The following CALN1 variants were observed in gnomAD, a reference collection of about 807,000 sequenced individuals.
The protein encoded by CALN1 is calcium-binding protein 8.
CALN1 carries 17 observed loss-of-function variants against 30.6 expected under a neutral mutation model. That is an observed-to-expected ratio of 0.56 (90% confidence interval 0.38 to 0.83). The LOEUF (loss-of-function observed/expected upper bound fraction) is 0.83. Among genes scored for constraint, CALN1 ranks in the 40% least tolerant of loss-of-function variants. The probability of loss-of-function intolerance (pLI) is 0.00; values close to 1 mark genes in which losing one functional copy is unlikely to be tolerated. For synonymous variants in CALN1, 156 were observed against 131.4 expected (o/e 1.19, Z -1.28); for missense variants, 291 against 354.9 (o/e 0.82, Z 1.45).
chr7:71,968,038 TACTTG>T (rs1797614881), intron 5 of CALN1, among the ~76,000 whole-genome samples: 1 of 152,190 alleles, frequency 6.6e-6, no homozygotes, highest in African/African-American at 2.4e-5. Flanking sequence ...CCTAGGTATT[TACTTG>T]AGAGAAATGA....
chr7:72,301,658 T>C (rs533983797), intron 2 of CALN1, among the ~76,000 whole-genome samples: 2 of 145,900 alleles, frequency 1.4e-5, no homozygotes, highest in African/African-American at 5.1e-5. Flanking sequence ...GAGGAGTAGA[T>C]CTGACGTTGA....
chr7:71,908,230 T>C (rs1024767787), intron 5 of CALN1, among the ~76,000 whole-genome samples: 5 of 152,108 alleles, frequency 3.3e-5, no homozygotes, highest in Admixed American at 6.6e-5. Context: ...CAATTTTTGG[T>C]CCTCATCTCC....
chr7:72,471,067 A>G, the CALN1 span, among the ~76,000 whole-genome samples: 3 of 152,082 alleles, frequency 2.0e-5, no homozygotes, highest in South Asian at 6.2e-4. Flanking sequence ...CAATCCTCCC[A>G]CCTCAGCCTC....
chr7:72,033,973 C>G (rs577117131), intron 4 of CALN1, among the ~76,000 whole-genome samples: 5 of 152,020 alleles, frequency 3.3e-5, no homozygotes, highest in Non-Finnish European at 5.9e-5. Context: ...ATGGAACTAA[C>G]GAGACATGGC....
rs898738632 is a variant in CALN1 at position 71,922,672 on chromosome 7, GAATAT to G, written c.501+100980_501+100984del. On this transcript the variant is annotated intron_variant, in intron 5 of 6. Coordinates refer to ENST00000395275, the MANE Select transcript of CALN1 (RefSeq NM_031468.4). Reference sequence around the variant, plus strand: ...ATTATATATAAATATATAACATACAGAATATATTATATATAAATATATAACATACA... The same window carrying G: ...ATTATATATAAATATATAACATACAGATTATATATAAATATATAACATACA... Among the ~76,000 whole-genome samples the G allele has an allele frequency of 2.9e-4, 38 of 129,152 alleles. 2 individuals are homozygous for G. In the East Asian group the frequency reaches 4.3e-3, roughly 15 times the overall value. 84.7% of individuals were successfully genotyped at this position (129,152 alleles called of 152,430 possible).
intron 3 of CALN1, among the ~76,000 whole-genome samples, chr7:72,260,581 C>A (rs1029193174): frequency 1.3e-5 from 2 of 152,134 alleles, no homozygotes; most frequent in Admixed American, 6.5e-5. Context: ...GCACTTTTCC[C>A]AGAAAGAGTG....
chr7:71,934,099 A>G (rs989167789), intron 5 of CALN1, among the ~76,000 whole-genome samples: 2 of 152,176 alleles, frequency 1.3e-5, no homozygotes, highest in African/African-American at 4.8e-5. Flanking sequence ...ATTTTTTTAA[A>G]TGTGACTTAT....
At chr7:72,065,220 A>G (rs1328586186) in intron 4 of CALN1, among the ~76,000 whole-genome samples, 1 of 151,870 alleles carries the variant, frequency 6.6e-6, no homozygotes, top group African/African-American at 2.4e-5. Flanking sequence ...AACATGGGCT[A>G]CCTTTAAATC....
intron 2 of CALN1, among the ~76,000 whole-genome samples, chr7:72,324,902 C>CCTA (rs930952578): frequency 5.9e-5 from 9 of 152,120 alleles, no homozygotes; most frequent in African/African-American, 2.2e-4. Context: ...TTCCCTGTTG[C>CCTA]CTACTACCCT....
chr7:71,863,586 A>C (rs1397200871), intron 5 of CALN1, among the ~76,000 whole-genome samples: 1 of 149,438 alleles, frequency 6.7e-6, no homozygotes, highest in East Asian at 1.9e-4. Context: ...AAAAAAAAGA[A>C]GAAAGAAAGA....
intron 5 of CALN1, among the ~76,000 whole-genome samples, chr7:71,934,838 G>A (rs1010136107): frequency 6.6e-6 from 1 of 152,188 alleles, no homozygotes; most frequent in African/African-American, 2.4e-5. Context: ...AGGCAAGGAG[G>A]AGCAAGTCAC....
At chr7:72,085,780 A>G (rs1479581167) in intron 4 of CALN1, among the ~76,000 whole-genome samples, 2 of 152,250 alleles carry the variant, frequency 1.3e-5, no homozygotes, top group Admixed American at 6.5e-5. Context: ...ATTATGTCTC[A>G]CTTAAAAAGT....
At chr7:72,088,750 G>A (rs1390274153) in intron 4 of CALN1, among the ~76,000 whole-genome samples, 2 of 143,412 alleles carry the variant, frequency 1.4e-5, no homozygotes, top group African/African-American at 5.1e-5. Context: ...GGAAGGGAAG[G>A]AAGGAAGAGA....
chr7:72,063,513 A>G (rs1164456916), intron 4 of CALN1, among the ~76,000 whole-genome samples: 2 of 152,210 alleles, frequency 1.3e-5, no homozygotes, highest in African/African-American at 2.4e-5. Flanking sequence ...TGAGCTAGAT[A>G]GAGGCCTGGC....
intron 5 of CALN1, among the ~76,000 whole-genome samples, chr7:71,882,217 T>A (rs2116821521): frequency 6.6e-6 from 1 of 152,332 alleles, no homozygotes; most frequent in Admixed American, 6.5e-5. Flanking sequence ...CATCCCTCTA[T>A]CTTCAAAGCC....
At chr7:71,924,813 C>T (rs1795177788) in intron 5 of CALN1, among the ~76,000 whole-genome samples, 4 of 152,230 alleles carry the variant, frequency 2.6e-5, no homozygotes, top group Admixed American at 2.0e-4. Context: ...AATCATTTAA[C>T]TTTGACATGT....
chr7:72,366,368 G>A (rs922996773), intron 2 of CALN1, among the ~76,000 whole-genome samples: 5 of 151,912 alleles, frequency 3.3e-5, no homozygotes, highest in African/African-American at 1.2e-4. Context: ...TAGAGATGGG[G>A]TTTCACCATG....
intron 2 of CALN1, among the ~76,000 whole-genome samples, chr7:72,314,444 G>A (rs28576376): frequency 8.1e-6 from 1 of 123,838 alleles, no homozygotes; most frequent in African/African-American, 3.2e-5. Context: ...TTTTTTTTTT[G>A]AGAGAGTCTC....
intron 5 of CALN1, among the ~76,000 whole-genome samples, chr7:72,017,810 A>G (rs1800484108): frequency 6.6e-6 from 1 of 152,124 alleles, no homozygotes; most frequent in South Asian, 2.1e-4. Flanking sequence ...GAGCAAAGGA[A>G]CCCAGTTCTA....
Sources: allele counts gnomAD v4.1 joint callset (sites outside exome capture counted in the v4.1 genomes callset), GRCh38; gene constraint gnomAD v4.1.1; transcripts MANE v1.5; gene names NCBI Gene and HGNC (gene_info 2026-07-23, HGNC 2026-07-21).